The following GPC4 variants were observed in gnomAD, a reference collection of about 807,000 sequenced individuals.
GPC4 encodes the protein glypican-4.
In GPC4, 10 loss-of-function variants were observed where a neutral mutation model predicts 35.0. That is an observed-to-expected ratio of 0.29 (90% CI 0.18 to 0.48). The LOEUF (loss-of-function observed/expected upper bound fraction) is 0.48, where lower values mean the gene tolerates loss of function less well. Ranked by LOEUF, GPC4 falls within the 20% of genes least tolerant of loss-of-function variation. GPC4 has a pLI of 0.99. For synonymous variants in GPC4, 167 were observed against 170.2 expected (o/e 0.98, Z 0.15); for missense variants, 322 against 451.3 (o/e 0.71, Z 2.60).
chrX:133,355,114 G>A (rs2068535920), intron 1 of GPC4, among the ~76,000 whole-genome samples: 2 of 111,975 alleles, frequency 1.8e-5, no homozygotes, highest in South Asian at 7.5e-4. Flanking sequence ...CAGAAAGCAT[G>A]CTTATGTTTT....
chrX:133,305,494 G>A (rs951088642), intron 6 of GPC4, among the ~76,000 whole-genome samples: 3 of 112,001 alleles, frequency 2.7e-5, no homozygotes, highest in Non-Finnish European at 5.6e-5. Flanking sequence ...TCTATGCCTA[G>A]CACAGTGATG....
At chrX:133,376,558 T>C (rs1321355648) in intron 1 of GPC4, among the ~76,000 whole-genome samples, 1 of 112,524 alleles carries the variant, frequency 8.9e-6, no homozygotes, top group Non-Finnish European at 1.9e-5. Context: ...AGTAACTTAA[T>C]GTGTTGGTAG....
chrX:133,325,128 A>G (rs1341319085), intron 2 of GPC4, among the ~76,000 whole-genome samples: 3 of 111,321 alleles, frequency 2.7e-5, no homozygotes, highest in Admixed American at 9.6e-5. Flanking sequence ...AAGCAAGCAC[A>G]TAAGTTTTCT....
At chrX:133,327,733 AC>A (rs1345805751) in intron 2 of GPC4, among the ~76,000 whole-genome samples, 1 of 108,796 alleles carries the variant, frequency 9.2e-6, no homozygotes, top group Non-Finnish European at 1.9e-5. Flanking sequence ...CTATATACAT[AC>A]TAAATCCTAA....
chrX:133,331,718 G>A (rs1396093381), intron 2 of GPC4, among the ~76,000 whole-genome samples: 2 of 105,418 alleles, frequency 1.9e-5, no homozygotes, highest in African/African-American at 7.1e-5. Context: ...CCAAGATTGA[G>A]CCACTGCACT....
chrX:133,366,235 A>G (rs760896492), intron 1 of GPC4, among the ~76,000 whole-genome samples: 1 of 112,541 alleles, frequency 8.9e-6, no homozygotes, highest in African/African-American at 3.2e-5. Flanking sequence ...ACATAATGGC[A>G]CACACATGTT....
At chrX:133,327,570 A>G (rs979040333) in intron 2 of GPC4, among the ~76,000 whole-genome samples, 1 of 109,171 alleles carries the variant, frequency 9.2e-6, no homozygotes, top group Non-Finnish European at 1.9e-5. Context: ...TGAAACTGAC[A>G]TGCCCCTGTC....
intron 4 of GPC4, among the ~76,000 whole-genome samples, chrX:133,310,555 T>C (rs1208033708): frequency 9.0e-6 from 1 of 111,699 alleles, no homozygotes; most frequent in Non-Finnish European, 1.9e-5. Context: ...GGAATATGTA[T>C]CCCTTAAATT....
intron 1 of GPC4, among the ~76,000 whole-genome samples, chrX:133,349,366 G>A (rs550873215): frequency 2.7e-3 from 302 of 112,494 alleles, no homozygotes; most frequent in South Asian, 0.019. Flanking sequence ...AACAGCAGAT[G>A]ATTTTCCATA....
intron 3 of GPC4, among the ~76,000 whole-genome samples, chrX:133,322,077 A>C (rs1429872826): frequency 1.8e-5 from 2 of 111,652 alleles, no homozygotes; most frequent in African/African-American, 6.5e-5. Flanking sequence ...TCTGGTGAAT[A>C]TAAGTTTTCT....
At chrX:133,368,696 G>A (rs1198947151) in intron 1 of GPC4, among the ~76,000 whole-genome samples, 1 of 110,870 alleles carries the variant, frequency 9.0e-6, no homozygotes, top group Non-Finnish European at 1.9e-5. Context: ...CCAGGCTGGA[G>A]TGCAGTGGCG....
chrX:133,356,204 G>T (rs1370066299), intron 1 of GPC4, among the ~76,000 whole-genome samples: 3 of 111,497 alleles, frequency 2.7e-5, no homozygotes, highest in African/African-American at 9.8e-5. Context: ...TTTGGATTGT[G>T]GAGGGCAGAT....
chrX:133,329,544 A>T (rs1391896049), intron 2 of GPC4, among the ~76,000 whole-genome samples: 2 of 111,603 alleles, frequency 1.8e-5, no homozygotes, highest in Non-Finnish European at 3.8e-5. Context: ...CCAGACATCT[A>T]TGAGGGTGGG....
intron 2 of GPC4, among the ~76,000 whole-genome samples, chrX:133,327,697 G>A (rs192723598): frequency 6.3e-4 from 66 of 104,894 alleles, no homozygotes; most frequent in Middle Eastern, 5.2e-3. Context: ...TTATGCTAGC[G>A]TGTACTTTAA....
rs779075896 is a variant in GPC4 at position 133,381,730 on chromosome X, T to A, written c.160+33076A>T. Among the ~76,000 whole-genome samples the A allele has an allele frequency of 2.7e-5, 3 of 112,673 alleles. No individual in the cohort carries two copies. In the East Asian group the frequency reaches 8.4e-4, roughly 31 times the overall value. On this transcript the variant is annotated intron_variant, in intron 1 of 8. Coordinates refer to ENST00000370828, the MANE Select transcript of GPC4 (RefSeq NM_001448.3). ...GGTTCCTTTTTACTTTTTTAATGTG[T>A]CAGTGGATAAGTTTGTTAGTGTTGT...
At chrX:133,376,941 C>T (rs2068636197) in intron 1 of GPC4, among the ~76,000 whole-genome samples, 1 of 111,857 alleles carries the variant, frequency 8.9e-6, no homozygotes, top group Admixed American at 9.5e-5. Flanking sequence ...GGCCTTCAAC[C>T]TCAGAGCAAC....
rs1382750626 is a variant in GPC4, at chrX:133,414,719, G to A, written c.160+87C>T. On this transcript the variant is annotated intron_variant, in intron 1 of 8. Transcript: ENST00000370828. ...CTCTAGTGTACCTGCGTCCGGCGCA[G>A]GGGGCGGCGGGGCGGGGGAAGGGAG... 6 of 1,171,540 alleles carry A rather than the reference G, an allele frequency of 5.1e-6. No individual in the cohort carries two copies. The Admixed American group carries it at 6.8e-5, about 13-fold the overall frequency.
At chrX:133,341,264 A>G (rs1215336645) in intron 1 of GPC4, among the ~76,000 whole-genome samples, 1 of 111,964 alleles carries the variant, frequency 8.9e-6, no homozygotes, top group Non-Finnish European at 1.9e-5. Context: ...ATCTAAACAC[A>G]TAAAACAATA....
intron 2 of GPC4, among the ~76,000 whole-genome samples, chrX:133,328,847 C>T (rs1045661110): frequency 1.8e-5 from 2 of 111,770 alleles, no homozygotes; most frequent in Non-Finnish European, 3.8e-5. Flanking sequence ...GCAGCAATTG[C>T]TTGTATTCAT....
Sources: allele counts gnomAD v4.1 joint callset (sites outside exome capture counted in the v4.1 genomes callset), GRCh38; gene constraint gnomAD v4.1.1; transcripts MANE v1.5; gene names NCBI Gene and HGNC (gene_info 2026-07-23, HGNC 2026-07-21).